The following GALNT1 variants were observed in gnomAD, a reference collection of about 807,000 sequenced individuals.
The protein encoded by GALNT1 is polypeptide N-acetylgalactosaminyltransferase 1.
In GALNT1, 17 loss-of-function variants were observed where a neutral mutation model predicts 65.7. The ratio of observed to expected loss-of-function variants is 0.26; its 90% CI spans 0.18 to 0.39. GALNT1 has a LOEUF of 0.39. Among genes scored for constraint, GALNT1 ranks in the 10% least tolerant of loss-of-function variants. GALNT1 has a pLI of 1.00. For synonymous variants in GALNT1, 210 were observed against 219.7 expected, an observed-to-expected ratio of 0.96 and a Z score of 0.39; for missense variants, 460 against 672.8, an observed-to-expected ratio of 0.68 and a Z score of 3.50.
At chr18:35,702,361 C>G (rs1347606960) in intron 9 of GALNT1, among the ~76,000 whole-genome samples, 1 of 152,172 alleles carries the variant, frequency 6.6e-6, no homozygotes, top group Non-Finnish European at 1.5e-5. Flanking sequence ...TATCAAGGGG[C>G]ATTACCTAAA....
intron 1 of GALNT1, among the ~76,000 whole-genome samples, chr18:35,650,211 C>G (rs537242777): frequency 6.6e-6 from 1 of 152,200 alleles, no homozygotes; most frequent in African/African-American, 2.4e-5. Flanking sequence ...GGGGAGACAT[C>G]ACGTCAGCAG....
At chr18:35,650,072 C>T (rs929527658) in intron 1 of GALNT1, among the ~76,000 whole-genome samples, 1 of 152,140 alleles carries the variant, frequency 6.6e-6, no homozygotes, top group African/African-American at 2.4e-5. Context: ...GATGTTTGTT[C>T]TTTAAACTTT....
At chr18:35,637,115 C>T (rs2047101485) in intron 1 of GALNT1, among the ~76,000 whole-genome samples, 1 of 152,050 alleles carries the variant, frequency 6.6e-6, no homozygotes, top group African/African-American at 2.4e-5. Flanking sequence ...CTCGGGTATC[C>T]CTGTTCCCCA....
intron 3 of GALNT1, among the ~76,000 whole-genome samples, chr18:35,665,672 C>T (rs1456520381): frequency 6.6e-6 from 1 of 152,196 alleles, no homozygotes; most frequent in Non-Finnish European, 1.5e-5. Flanking sequence ...TGCCTTCAGA[C>T]TTCTCAGCAA....
At chr18:35,634,179 G>A (rs1330150939) in intron 1 of GALNT1, among the ~76,000 whole-genome samples, 10 of 152,110 alleles carry the variant, frequency 6.6e-5, no homozygotes. Context: ...TTCTCATTTA[G>A]TTTAGTGCAA....
chr18:35,706,405 G>A (rs2048261113), intron 11 of GALNT1, among the ~76,000 whole-genome samples: 1 of 152,132 alleles, frequency 6.6e-6, no homozygotes, highest in Non-Finnish European at 1.5e-5. Flanking sequence ...AGGAGGCTGA[G>A]GCAGGAGAAT....
chr18:35,645,590 A>G (rs1459034061), intron 1 of GALNT1, among the ~76,000 whole-genome samples: 1 of 152,118 alleles, frequency 6.6e-6, no homozygotes, highest in Non-Finnish European at 1.5e-5. Context: ...CTGATGTTAT[A>G]TGTTCATCTG....
At chr18:35,617,981 A>G (rs1020664264) in intron 1 of GALNT1, among the ~76,000 whole-genome samples, 1 of 151,840 alleles carries the variant, frequency 6.6e-6, no homozygotes, top group African/African-American at 2.4e-5. Context: ...TAATGAAACC[A>G]TAAACTTTGC....
At chr18:35,703,670 T>G (rs1241382065) in intron 11 of GALNT1, 27 bp downstream of exon 11, 1 of 1,608,792 alleles carries the variant, frequency 6.2e-7, no homozygotes, top group Non-Finnish European at 8.5e-7. Flanking sequence ...CCTATAGTAA[T>G]AAAATTATGT....
chr18:35,693,979 C>G (rs1485658872), intron 9 of GALNT1, among the ~76,000 whole-genome samples: 2 of 152,024 alleles, frequency 1.3e-5, no homozygotes, highest in South Asian at 2.1e-4. Flanking sequence ...ATAGGAGAAC[C>G]TAGAGAGTGG....
chr18:35,667,669 T>C (rs916791596), intron 3 of GALNT1, among the ~76,000 whole-genome samples: 3 of 152,230 alleles, frequency 2.0e-5, no homozygotes, highest in Admixed American at 6.5e-5. Flanking sequence ...CTCTGTTTTT[T>C]TTCCTTACAG....
chr18:35,638,166 A>C (rs2047116610), intron 1 of GALNT1, among the ~76,000 whole-genome samples: 1 of 152,228 alleles, frequency 6.6e-6, no homozygotes, highest in Non-Finnish European at 1.5e-5. Flanking sequence ...TCAAAGAGTA[A>C]TTTTGACTGT....
chr18:35,645,730 A>T (rs1235812132), intron 1 of GALNT1, among the ~76,000 whole-genome samples: 3 of 151,878 alleles, frequency 2.0e-5, no homozygotes, highest in Non-Finnish European at 4.4e-5. Flanking sequence ...TCCTTAATTC[A>T]TTTTCTTATC....
At chr18:35,704,588 A>G (rs1276813834) in intron 11 of GALNT1, among the ~76,000 whole-genome samples, 1 of 151,912 alleles carries the variant, frequency 6.6e-6, no homozygotes, top group Non-Finnish European at 1.5e-5. Context: ...GATTACAGGC[A>G]TGAGCCATCA....
intron 3 of GALNT1, among the ~76,000 whole-genome samples, chr18:35,665,740 T>A (rs1207849319): frequency 6.6e-6 from 1 of 152,214 alleles, no homozygotes; most frequent in East Asian, 1.9e-4. Flanking sequence ...TAAAATCTTA[T>A]ATTCAGCCAA....
chr18:35,611,687 G>A (rs1462160666), intron 1 of GALNT1, among the ~76,000 whole-genome samples: 1 of 152,200 alleles, frequency 6.6e-6, no homozygotes, highest in Non-Finnish European at 1.5e-5. Flanking sequence ...ATGGTCTTGA[G>A]AGTGGAGGGA....
In GALNT1 at chr18:35,698,473, T is replaced by TATAAA. The variant is rs766241705; in HGVS notation, c.1300-4408_1300-4404dup. Reference sequence around the variant, plus strand: ...GACAGAGCAAGAGACTGTCTGAAAATATAAAATAAAATAAAATAAATGAAA... The same window carrying TATAAA: ...GACAGAGCAAGAGACTGTCTGAAAATATAAAATAAAATAAAATAAAATAAATGAAA... On this transcript the variant is annotated intron_variant, in intron 9 of 11. Coordinates refer to ENST00000269195, the MANE Select transcript of GALNT1 (RefSeq NM_020474.4). Among the ~76,000 whole-genome samples the TATAAA allele has an allele frequency of 1.4e-4, 21 of 151,680 alleles. 1 individual carries two copies. The East Asian group carries it at 2.9e-3, about 21-fold the overall frequency.
chr18:35,641,712 C>A (rs1034430034), intron 1 of GALNT1, among the ~76,000 whole-genome samples: 1 of 152,066 alleles, frequency 6.6e-6, no homozygotes, highest in African/African-American at 2.4e-5. Flanking sequence ...ATAACACATC[C>A]ACCACGTGCA....
intron 3 of GALNT1, among the ~76,000 whole-genome samples, chr18:35,674,972 G>GA (rs1389735172): frequency 9.3e-6 from 1 of 107,700 alleles, no homozygotes; most frequent in Non-Finnish European, 1.8e-5. Context: ...GACAGAGCGA[G>GA]ACTCCGTCTC....
Sources: gnomAD v4.1 joint callset for allele counts (sites outside exome capture counted in the v4.1 genomes callset) on GRCh38, gnomAD v4.1.1 for gene constraint, MANE v1.5 for transcripts, NCBI Gene and HGNC (gene_info 2026-07-23, HGNC 2026-07-21) for gene names.